Variants in MALRD1 observed in about 807,000 individuals in gnomAD.
The protein encoded by MALRD1 is MAM and LDL receptor class A domain containing 1.
MALRD1 carries 247 observed loss-of-function variants against 242.1 expected under a neutral mutation model. The observed-to-expected ratio is 1.02, with a 90% confidence interval of 0.92 to 1.13. The LOEUF is 1.13. MALRD1 is among the 50% of genes most tolerant of loss of function. The pLI, the probability that MALRD1 is intolerant of heterozygous loss-of-function variation, is 0.00. For synonymous variants in MALRD1, 995 were observed against 866.6 expected (o/e 1.15, Z -2.60); for missense variants, 2,989 against 2,533.1 (o/e 1.18, Z -3.86).
chr10:19,507,777 TC>T (rs1833207253), intron 31 of MALRD1, among the ~76,000 whole-genome samples: 1 of 152,204 alleles, frequency 6.6e-6, no homozygotes, highest in African/African-American at 2.4e-5. Context: ...CTGTGATGCT[TC>T]AATCACCACA....
intron 31 of MALRD1, among the ~76,000 whole-genome samples, chr10:19,504,536 G>C (rs1377156786): frequency 6.6e-6 from 1 of 151,774 alleles, no homozygotes; most frequent in Non-Finnish European, 1.5e-5. Flanking sequence ...CATTATTCCT[G>C]GACCCACTTT....
chr10:19,431,169 T>G (rs1834113989), intron 28 of MALRD1, among the ~76,000 whole-genome samples: 1 of 152,092 alleles, frequency 6.6e-6, no homozygotes, highest in South Asian at 2.1e-4. Flanking sequence ...CCTGACCCCA[T>G]GAACAGTAAA....
At chr10:19,178,784 C>A (rs891596893) in intron 14 of MALRD1, among the ~76,000 whole-genome samples, 1 of 152,140 alleles carries the variant, frequency 6.6e-6, no homozygotes, top group South Asian at 2.1e-4. Flanking sequence ...CAGGAAGATA[C>A]GCGATTTTCC....
At chr10:19,148,520 G>A (rs899924769) in intron 11 of MALRD1, among the ~76,000 whole-genome samples, 3 of 151,962 alleles carry the variant, frequency 2.0e-5, no homozygotes, top group Non-Finnish European at 4.4e-5. Context: ...AAAAACACCA[G>A]ATAAGACAAT....
chr10:19,392,655 C>G (rs1347959487), intron 28 of MALRD1, among the ~76,000 whole-genome samples: 1 of 152,008 alleles, frequency 6.6e-6, no homozygotes, highest in Non-Finnish European at 1.5e-5. Flanking sequence ...GTAACTGAAA[C>G]AAATGTAAGT....
intron 31 of MALRD1, among the ~76,000 whole-genome samples, chr10:19,505,364 A>T (rs932432332): frequency 3.3e-5 from 5 of 152,176 alleles, no homozygotes; most frequent in African/African-American, 9.7e-5. Context: ...AAATGGGGTC[A>T]TAAGAGTCTT....
At chr10:19,143,409 G>A (rs908726495) in intron 10 of MALRD1, among the ~76,000 whole-genome samples, 1 of 152,162 alleles carries the variant, frequency 6.6e-6, no homozygotes. Flanking sequence ...AAATTAGAAT[G>A]GTGCCTTCAG....
chr10:19,340,975 A>G (rs546341684), intron 24 of MALRD1, among the ~76,000 whole-genome samples: 17 of 152,266 alleles, frequency 1.1e-4, no homozygotes, highest in African/African-American at 3.8e-4. Context: ...ATTGCTCTCA[A>G]TAATACAAAA....
At chr10:19,717,284 C>T (rs548638454) in intron 38 of MALRD1, among the ~76,000 whole-genome samples, 257 of 152,226 alleles carry the variant, frequency 1.7e-3, no homozygotes, top group Non-Finnish European at 2.7e-3. Flanking sequence ...ATGCATATTT[C>T]ACAGAATATA....
At chr10:19,445,327 T>G (rs1834909972) in intron 28 of MALRD1, among the ~76,000 whole-genome samples, 1 of 152,212 alleles carries the variant, frequency 6.6e-6, no homozygotes. Context: ...TCAAAGTTAT[T>G]CTCCATCCAC....
intron 31 of MALRD1, among the ~76,000 whole-genome samples, chr10:19,510,608 A>G (rs1450521449): frequency 1.3e-5 from 2 of 152,256 alleles, no homozygotes; most frequent in East Asian, 1.9e-4. Context: ...GACACAGCAC[A>G]TGTTTCTGCG....
chr10:19,389,411 T>G, intron 27 of MALRD1, 41 bp from the exon 28 acceptor site: 5 of 1,535,996 alleles, frequency 3.3e-6, no homozygotes, highest in Middle Eastern at 3.4e-4. Context: ...AATCCCATCA[T>G]TGTTATTTCG....
intron 5 of MALRD1, among the ~76,000 whole-genome samples, chr10:19,122,711 A>G (rs1837106967): frequency 6.6e-6 from 1 of 152,038 alleles, no homozygotes; most frequent in East Asian, 1.9e-4. Context: ...CTTGGGGAAA[A>G]GAAAACAAAA....
At chr10:19,672,014 A>T (rs1035525182) in intron 36 of MALRD1, among the ~76,000 whole-genome samples, 1 of 151,510 alleles carries the variant, frequency 6.6e-6, no homozygotes. Flanking sequence ...TAAATGTCCT[A>T]TTGTCCTTAA....
chr10:19,604,369 G>A (rs1420821215), intron 34 of MALRD1, among the ~76,000 whole-genome samples: 1 of 152,126 alleles, frequency 6.6e-6, no homozygotes, highest in African/African-American at 2.4e-5. Context: ...ATGGTGCAAT[G>A]GGTTCATTAT....
At chr10:19,640,303 G>A (rs1195156918) in intron 36 of MALRD1, among the ~76,000 whole-genome samples, 1 of 151,948 alleles carries the variant, frequency 6.6e-6, no homozygotes, top group Non-Finnish European at 1.5e-5. Flanking sequence ...TGGCCAGGCT[G>A]GTCTCAAACT....
At position 19,120,569 on chromosome 10, in the gene MALRD1, A is replaced by G. The variant is rs926228422; in HGVS notation, c.695-2923A>G. ...CTGCATGATTCCATTTATGTGAAATAGCAGAGTCGGCAAATCCATAGAGAT... is the reference window on the plus strand; with the variant it reads ...CTGCATGATTCCATTTATGTGAAATGGCAGAGTCGGCAAATCCATAGAGAT... On this transcript the variant is annotated intron_variant, in intron 5 of 39. Coordinates refer to ENST00000454679, the MANE Select transcript of MALRD1 (RefSeq NM_001142308.3). 2.0e-5 allele frequency among the ~76,000 whole-genome samples: 3 copies of G among 152,226 alleles called. 1 individual carries two copies. Among genetic ancestry groups the G allele is most frequent in the Non-Finnish European group, 4.4e-5 (3 of 68,038 alleles).
chr10:19,393,583 C>T (rs1013234922), intron 28 of MALRD1, among the ~76,000 whole-genome samples: 3 of 149,892 alleles, frequency 2.0e-5, no homozygotes, highest in Non-Finnish European at 3.0e-5. Context: ...GTAGCTGGGA[C>T]TACAGGCGCC....
chr10:19,372,867 G>A (rs559269592), intron 26 of MALRD1, among the ~76,000 whole-genome samples: 31 of 152,202 alleles, frequency 2.0e-4, no homozygotes, highest in African/African-American at 7.2e-4. Flanking sequence ...TAACAAATAC[G>A]TAAGACTGGT....
Sources: gnomAD v4.1 joint callset for allele counts (sites outside exome capture counted in the v4.1 genomes callset) on GRCh38, gnomAD v4.1.1 for gene constraint, MANE v1.5 for transcripts, NCBI Gene and HGNC (gene_info 2026-07-23, HGNC 2026-07-21) for gene names.